The following CELF4 variants were observed in gnomAD, a reference collection of about 807,000 sequenced individuals.
CELF4 encodes CUGBP Elav-like family member 4, also known as CUG-BP- and ETR-3-like factor 4.
A neutral mutation model predicts 59.9 loss-of-function variants in CELF4; 18 were observed. The ratio of observed to expected loss-of-function variants is 0.30; its 90% confidence interval spans 0.21 to 0.45. The LOEUF (loss-of-function observed/expected upper bound fraction) is 0.45, where lower values mean the gene tolerates loss of function less well. Among genes scored for constraint, CELF4 ranks in the 20% least tolerant of loss-of-function variants. The probability of loss-of-function intolerance (pLI) is 1.00; values close to 1 mark genes in which losing one functional copy is unlikely to be tolerated. For missense variants in CELF4, 456 were observed against 689.0 expected (o/e 0.66, Z 3.79); for synonymous variants, 261 against 267.1 (o/e 0.98, Z 0.22).
intron 6 of CELF4, chr18:37,273,932 C>A: frequency 9.4e-7 from 1 of 1,063,566 alleles, no homozygotes; most frequent in Non-Finnish European, 1.1e-6. Flanking sequence ...CTGAAGTCAC[C>A]GTTCCATGGA....
At chr18:37,460,674 T>G (rs1260611148) in intron 2 of CELF4, among the ~76,000 whole-genome samples, 2 of 152,242 alleles carry the variant, frequency 1.3e-5, no homozygotes, top group Admixed American at 6.5e-5. Context: ...TACAGATGCA[T>G]GCGAATTCAT....
At chr18:37,310,395 A>G (rs1474517304) in intron 3 of CELF4, among the ~76,000 whole-genome samples, 1 of 152,222 alleles carries the variant, frequency 6.6e-6, no homozygotes, top group Non-Finnish European at 1.5e-5. Context: ...CAAAAGCTTT[A>G]GATGGCTTCC....
chr18:37,353,233 A>AATAT lies in CELF4; in HGVS notation c.370-31356_370-31353dup, dbSNP rs1557327923. ...GAGACTCCGTCTCAAAAAAAAAAAA[A>AATAT]ATATATATATATATATACATAAAAG... On this transcript the variant is annotated intron_variant, in intron 2 of 12. Transcript: ENST00000420428. Among the ~76,000 whole-genome samples, 1,025 of 106,934 alleles carry AATAT rather than the reference A, an allele frequency of 9.6e-3. 21 individuals carry two copies. The highest frequency in any genetic ancestry group is 0.03 in the African/African-American group (852 of 28,134). The allele number at this position is 106,934 out of a possible 152,430, so 70.2% of individuals were successfully genotyped here.
At chr18:37,417,557 G>A (rs1034316097) in intron 2 of CELF4, among the ~76,000 whole-genome samples, 8 of 152,220 alleles carry the variant, frequency 5.3e-5, no homozygotes, top group African/African-American at 9.6e-5. Context: ...TTGGAAGCCC[G>A]TAGGGCAGGT....
intron 1 of CELF4, among the ~76,000 whole-genome samples, chr18:37,533,987 G>A (rs1055336445): frequency 5.3e-5 from 8 of 152,168 alleles, no homozygotes; most frequent in Admixed American, 1.3e-4. Context: ...GCCTTGAAGC[G>A]CAAATGCTGT....
chr18:37,388,072 G>T (rs1250194442), intron 2 of CELF4, among the ~76,000 whole-genome samples: 2 of 151,840 alleles, frequency 1.3e-5, no homozygotes, highest in Non-Finnish European at 2.9e-5. Context: ...AGGGGGGAGG[G>T]TACTGTACAG....
At chr18:37,274,764 C>A in intron 5 of CELF4, 41 bp downstream of exon 5, 1 of 1,533,902 alleles carries the variant, frequency 6.5e-7, no homozygotes, top group African/African-American at 1.4e-5. Flanking sequence ...GGTCTCGGCC[C>A]GCCGCTGCCC....
chr18:37,414,563 G>A lies in CELF4; in HGVS notation c.369+70962C>T, dbSNP rs530993262. Among the ~76,000 whole-genome samples, 44 of 145,056 alleles carry A rather than the reference G, an allele frequency of 3.0e-4. 1 individual carries two copies. In the South Asian group the frequency reaches 6.8e-3, roughly 22 times the overall value. ...GTCACCCAGGCTGGAGTGCAGTGGC[G>A]CGATCTCGGCTGCAAGCTCTGCCTC... is the stretch of plus-strand genomic sequence containing the variant. On this transcript the variant is annotated intron_variant, in intron 2 of 12. Coordinates refer to ENST00000420428, the MANE Select transcript of CELF4 (RefSeq NM_020180.4).
At chr18:37,256,593 T>C (rs924870140) in intron 11 of CELF4, among the ~76,000 whole-genome samples, 1 of 152,190 alleles carries the variant, frequency 6.6e-6, no homozygotes, top group Non-Finnish European at 1.5e-5. Context: ...ATTTATTTTG[T>C]TATTTATTTT....
intron 1 of CELF4, among the ~76,000 whole-genome samples, chr18:37,510,285 G>T (rs146256382): frequency 4.0e-4 from 61 of 152,316 alleles, no homozygotes; most frequent in African/African-American, 1.3e-3. Context: ...GTTCCTCAGT[G>T]CATGCCAGGC....
chr18:37,317,564 A>G (rs1356124729), intron 3 of CELF4, among the ~76,000 whole-genome samples: 1 of 152,244 alleles, frequency 6.6e-6, no homozygotes, highest in African/African-American at 2.4e-5. Context: ...TTCCACAAAA[A>G]CAAGAACTGC....
At chr18:37,550,892 TG>T (rs2099982999) in intron 1 of CELF4, among the ~76,000 whole-genome samples, 1 of 152,318 alleles carries the variant, frequency 6.6e-6, no homozygotes, top group Admixed American at 6.5e-5. Context: ...GCAACAGAGA[TG>T]GTAACGCATT....
intron 2 of CELF4, among the ~76,000 whole-genome samples, chr18:37,376,000 A>C (rs569269692): frequency 6.6e-6 from 1 of 152,218 alleles, no homozygotes; most frequent in East Asian, 1.9e-4. Flanking sequence ...TAACGATGTG[A>C]CCCGGGACCA....
chr18:37,262,291 C>T (rs1484367885), intron 10 of CELF4, among the ~76,000 whole-genome samples: 1 of 152,146 alleles, frequency 6.6e-6, no homozygotes, highest in African/African-American at 2.4e-5. Flanking sequence ...TGGACCATGG[C>T]CTGGGAGAAT....
intron 2 of CELF4, among the ~76,000 whole-genome samples, chr18:37,377,567 G>A (rs2098985322): frequency 6.6e-6 from 1 of 152,182 alleles, no homozygotes; most frequent in Admixed American, 6.5e-5. Context: ...AGAAATGAGA[G>A]GGAAGCTGGG....
chr18:37,422,170 G>C (rs1455648868), intron 2 of CELF4, among the ~76,000 whole-genome samples: 1 of 152,226 alleles, frequency 6.6e-6, no homozygotes, highest in Non-Finnish European at 1.5e-5. Flanking sequence ...GCCAGGGCCT[G>C]AGTGGGGCCT....
At chr18:37,475,938 C>G (rs2099847604) in intron 2 of CELF4, among the ~76,000 whole-genome samples, 2 of 152,198 alleles carry the variant, frequency 1.3e-5, no homozygotes, top group Non-Finnish European at 2.9e-5. Context: ...CATCCCAGCT[C>G]TCTTCTGAAA....
chr18:37,506,032 C>T (rs775326865), intron 1 of CELF4, among the ~76,000 whole-genome samples: 1 of 152,136 alleles, frequency 6.6e-6, no homozygotes, highest in Non-Finnish European at 1.5e-5. Flanking sequence ...AGCTGCCATT[C>T]AAAGCCTCAG....
chr18:37,526,825 G>A (rs1270118958), intron 1 of CELF4, among the ~76,000 whole-genome samples: 1 of 151,996 alleles, frequency 6.6e-6, no homozygotes, highest in Non-Finnish European at 1.5e-5. Context: ...TCCCAACTCT[G>A]CCCTTCGTGG....
Sources: gnomAD v4.1 joint callset for allele counts (sites outside exome capture counted in the v4.1 genomes callset) on GRCh38, gnomAD v4.1.1 for gene constraint, MANE v1.5 for transcripts, NCBI Gene and HGNC (gene_info 2026-07-23, HGNC 2026-07-21) for gene names.